The following BRINP2 variants were observed in gnomAD, a reference collection of about 807,000 sequenced individuals.
The protein encoded by BRINP2 is BMP/retinoic acid inducible neural specific 2.
In BRINP2, 21 loss-of-function variants were observed where a neutral mutation model predicts 69.2. That is an observed-to-expected ratio of 0.30 (90% CI 0.22 to 0.44). The LOEUF (loss-of-function observed/expected upper bound fraction) is 0.44. Ranked by LOEUF, BRINP2 falls within the 20% of genes least tolerant of loss-of-function variation. BRINP2 has a pLI of 1.00. For missense variants in BRINP2, 877 were observed against 986.0 expected (o/e 0.89, Z 1.48); for synonymous variants, 380 against 394.1 (o/e 0.96, Z 0.42).
intron 1 of BRINP2, among the ~76,000 whole-genome samples, chr1:177,191,148 A>C (rs1470722244): frequency 6.6e-6 from 1 of 152,180 alleles, no homozygotes; most frequent in African/African-American, 2.4e-5. Context: ...CCAGGATCTC[A>C]ATGCTAAAAA....
intron 1 of BRINP2, among the ~76,000 whole-genome samples, chr1:177,196,594 G>A (rs2102300294): frequency 6.6e-6 from 1 of 151,734 alleles, no homozygotes; most frequent in African/African-American, 2.4e-5. Flanking sequence ...CTCCAGCCTG[G>A]GCAACAAGAA....
chr1:177,265,884 G>A (rs1651101248), intron 4 of BRINP2, among the ~76,000 whole-genome samples: 1 of 151,990 alleles, frequency 6.6e-6, no homozygotes, highest in African/African-American at 2.4e-5. Context: ...ACTTTGGGAG[G>A]CCAAGGTGAG....
At chr1:177,266,635 C>T (rs554939183) in intron 4 of BRINP2, among the ~76,000 whole-genome samples, 1 of 151,692 alleles carries the variant, frequency 6.6e-6, no homozygotes, top group South Asian at 2.1e-4. Context: ...TGGCGGGCAC[C>T]TGTAGTCCCA....
At chr1:177,273,634 A>AT in intron 5 of BRINP2, 41 bp downstream of exon 5, 1 of 1,245,810 alleles carries the variant, frequency 8.0e-7, no homozygotes, top group Admixed American at 2.9e-5. Context: ...TTCACACCTG[A>AT]TTTAAAAAAA....
intron 4 of BRINP2, among the ~76,000 whole-genome samples, chr1:177,265,885 C>T (rs766460930): frequency 1.1e-4 from 16 of 151,926 alleles, no homozygotes; most frequent in Non-Finnish European, 2.1e-4. Context: ...CTTTGGGAGG[C>T]CAAGGTGAGC....
chr1:177,268,656 T>C (rs1457498426), intron 4 of BRINP2, among the ~76,000 whole-genome samples: 1 of 152,184 alleles, frequency 6.6e-6, no homozygotes, highest in Non-Finnish European at 1.5e-5. Context: ...TTTGTCACTT[T>C]ACATTGAGGA....
chr1:177,205,258 A>G (rs926250824), intron 1 of BRINP2, among the ~76,000 whole-genome samples: 4 of 152,116 alleles, frequency 2.6e-5, no homozygotes, highest in Admixed American at 1.3e-4. Context: ...CTACTGCCTC[A>G]GCCTCCTAAG....
chr1:177,246,266 T>C (rs906759369), intron 2 of BRINP2, among the ~76,000 whole-genome samples: 1 of 152,184 alleles, frequency 6.6e-6, no homozygotes, highest in Non-Finnish European at 1.5e-5. Context: ...TGGACAGTAC[T>C]CCCTGAGCTT....
At chr1:177,212,794 C>G (rs1649265565) in intron 1 of BRINP2, among the ~76,000 whole-genome samples, 1 of 152,146 alleles carries the variant, frequency 6.6e-6, no homozygotes, top group Admixed American at 6.6e-5. Flanking sequence ...GTTCCAGGCT[C>G]ATATTATGCT....
At chr1:177,266,485 C>T (rs947507252) in intron 4 of BRINP2, among the ~76,000 whole-genome samples, 4 of 151,738 alleles carry the variant, frequency 2.6e-5, no homozygotes, top group East Asian at 3.9e-4. Context: ...TTTGGCTGGG[C>T]GCGGTGGCTC....
At chr1:177,259,460 T>C (rs997616986) in intron 4 of BRINP2, among the ~76,000 whole-genome samples, 2 of 152,194 alleles carry the variant, frequency 1.3e-5, no homozygotes, top group African/African-American at 2.4e-5. Flanking sequence ...GCGAAGATCA[T>C]TGATGAGGGT....
intron 2 of BRINP2, among the ~76,000 whole-genome samples, chr1:177,243,982 G>A (rs1380584926): frequency 2.6e-5 from 4 of 151,890 alleles, no homozygotes; most frequent in Non-Finnish European, 5.9e-5. Context: ...GTGGGGGTGG[G>A]GGTGGGAAAT....
At chr1:177,266,534 C>T (rs879720795) in intron 4 of BRINP2, among the ~76,000 whole-genome samples, 13 of 151,762 alleles carry the variant, frequency 8.6e-5, no homozygotes, top group East Asian at 3.9e-4. Context: ...CCGAGGAGGG[C>T]GGATCACGAG....
At chr1:177,232,032 C>T (rs902651306) in intron 2 of BRINP2, among the ~76,000 whole-genome samples, 1 of 152,092 alleles carries the variant, frequency 6.6e-6, no homozygotes, top group African/African-American at 2.4e-5. Context: ...GCAGAGAATC[C>T]CTCCAGTCCA....
chr1:177,255,143 A>G (rs1269329366), intron 2 of BRINP2, among the ~76,000 whole-genome samples: 2 of 152,258 alleles, frequency 1.3e-5, no homozygotes, highest in East Asian at 3.8e-4. Context: ...ATGAAAATCC[A>G]CAATTATGAA....
rs758498646 is a variant in BRINP2, at chr1:177,276,439, G to A, written c.1012+5G>A. On this transcript the variant is annotated splice_donor_5th_base_variant and intron_variant, in intron 6 of 7. Transcript: ENST00000361539. Reference sequence around the variant, plus strand: ...ACCGGCAGTTTGAAGAGTCAGGTGAGCAGCCAGAATTCCTCCCTGTCAATG... The same window carrying A: ...ACCGGCAGTTTGAAGAGTCAGGTGAACAGCCAGAATTCCTCCCTGTCAATG... The A allele has an allele frequency of 6.2e-7, 1 of 1,613,200 alleles. No homozygotes were observed. Among genetic ancestry groups the A allele is most frequent in the Non-Finnish European group, 8.5e-7 (1 of 1,179,300 alleles).
At chr1:177,273,662 T>G in intron 5 of BRINP2, 69 bp downstream of exon 5, 1 of 992,616 alleles carries the variant, frequency 1.0e-6, no homozygotes, top group Non-Finnish European at 1.4e-6. Flanking sequence ...CTAGATCAAA[T>G]AGCGGGAAAA....
chr1:177,207,303 CAGAT>C (rs1649094760), intron 1 of BRINP2, among the ~76,000 whole-genome samples: 1 of 152,094 alleles, frequency 6.6e-6, no homozygotes, highest in Admixed American at 6.5e-5. Flanking sequence ...CACAGGTAGA[CAGAT>C]AGAAGGCAAA....
At chr1:177,195,847 A>T (rs917474861) in intron 1 of BRINP2, among the ~76,000 whole-genome samples, 5 of 152,096 alleles carry the variant, frequency 3.3e-5, no homozygotes, top group African/African-American at 4.8e-5. Context: ...ATTGTTGATA[A>T]CAGATAGGCC....
Sources: gnomAD v4.1 joint callset for allele counts (sites outside exome capture counted in the v4.1 genomes callset) on GRCh38, gnomAD v4.1.1 for gene constraint, MANE v1.5 for transcripts, NCBI Gene and HGNC (gene_info 2026-07-23, HGNC 2026-07-21) for gene names.